The following LRRC7 variants were observed in gnomAD, a reference collection of about 807,000 sequenced individuals.
The protein encoded by LRRC7 is leucine-rich repeat-containing protein 7.
Under a neutral mutation model 175.7 loss-of-function variants are expected in LRRC7, and 23 were observed. That is an observed-to-expected ratio of 0.13 (90% CI 0.09 to 0.19). The LOEUF (loss-of-function observed/expected upper bound fraction) is 0.19, where lower values mean the gene tolerates loss of function less well. Among genes scored for constraint, LRRC7 ranks in the 10% least tolerant of loss-of-function variants. The pLI is 1.00. For missense variants in LRRC7, 1,354 were observed against 1,904.7 expected, an observed-to-expected ratio of 0.71 and a Z score of 5.38; for synonymous variants, 685 against 680.9, an observed-to-expected ratio of 1.01 and a Z score of -0.09.
At chr1:69,871,705 TA>T (rs1307129270) in intron 7 of LRRC7, among the ~76,000 whole-genome samples, 1 of 152,018 alleles carries the variant, frequency 6.6e-6, no homozygotes, top group African/African-American at 2.4e-5. Flanking sequence ...TTTAAATGAC[TA>T]TTTCATATTC....
intron 1 of LRRC7, among the ~76,000 whole-genome samples, chr1:69,569,012 C>A (rs902041016): frequency 2.0e-5 from 3 of 152,136 alleles, no homozygotes; most frequent in Non-Finnish European, 4.4e-5. Context: ...TTGGGTATCT[C>A]CAGTCAGCTT....
chr1:69,623,204 T>C (rs1650920685), intron 1 of LRRC7, among the ~76,000 whole-genome samples: 1 of 152,182 alleles, frequency 6.6e-6, no homozygotes, highest in South Asian at 2.1e-4. Context: ...CACAGGAACA[T>C]GACCTTAGGA....
rs1666259531 is a variant in LRRC7, at chr1:70,122,423, A to G, written c.*536A>G. The G allele has an allele frequency of 6.6e-6, 1 of 152,216 alleles. No individual in the cohort carries two copies. Among genetic ancestry groups the G allele is most frequent in the African/African-American group, 2.4e-5 (1 of 41,456 alleles). 9.4% of individuals were successfully genotyped at this position (152,216 alleles called of 1,614,324 possible). A position where few individuals can be genotyped will look rare whatever the true frequency, so the allele number is the denominator to read the frequency against. On this transcript the variant is annotated 3_prime_UTR_variant, in exon 27 of 27. Coordinates refer to ENST00000651989, the MANE Select transcript of LRRC7 (RefSeq NM_001370785.2). Reference sequence around the variant, plus strand: ...GAGAAAAAATATATCTTAAAATAAGACTTTACTATATTGAATCTTTTTCAA... The same window carrying G: ...GAGAAAAAATATATCTTAAAATAAGGCTTTACTATATTGAATCTTTTTCAA...
In LRRC7 at chr1:70,138,243, A is replaced by C. The variant is rs1666942270; in HGVS notation, c.*16356A>C. ...CTTAATCAAAGGACTCCTGACCTTCAAGTACCAGTTTGGGCATATTACTGG... is the reference window on the plus strand; with the variant it reads ...CTTAATCAAAGGACTCCTGACCTTCCAGTACCAGTTTGGGCATATTACTGG... On this transcript the variant is annotated 3_prime_UTR_variant, in exon 27 of 27. Coordinates refer to ENST00000651989, the MANE Select transcript of LRRC7 (RefSeq NM_001370785.2). The C allele has an allele frequency of 6.6e-6, 1 of 152,184 alleles. No homozygotes were observed. Among genetic ancestry groups the C allele is most frequent in the South Asian group, 2.1e-4 (1 of 4,830 alleles). 9.4% of individuals were successfully genotyped at this position (152,184 alleles called of 1,614,324 possible).
intron 23 of LRRC7, among the ~76,000 whole-genome samples, chr1:70,071,293 G>A (rs76462435): frequency 7.9e-5 from 12 of 152,236 alleles, no homozygotes. Flanking sequence ...CCACCATGCT[G>A]TGACTTGTTC....
At chr1:69,875,899 G>A (rs547752206) in intron 7 of LRRC7, among the ~76,000 whole-genome samples, 7 of 151,798 alleles carry the variant, frequency 4.6e-5, no homozygotes, top group Non-Finnish European at 1.0e-4. Flanking sequence ...CAACAAAAAC[G>A]ACCCCTTAAG....
chr1:69,568,687 C>CCAGCAGCGTG (rs11280966), intron 1 of LRRC7, 46 bp downstream of exon 1: 15 of 1,315,692 alleles, frequency 1.1e-5, no homozygotes, highest in Non-Finnish European at 1.4e-5. Flanking sequence ...CTGCGGGGGC[C>CCAGCAGCGTG]CGGCCGCGGC....
chr1:69,884,403 T>C (rs1015735352), intron 7 of LRRC7, among the ~76,000 whole-genome samples: 2 of 96,440 alleles, frequency 2.1e-5, no homozygotes, highest in Non-Finnish European at 4.4e-5. Context: ...CACTCATGAT[T>C]TGGCTCTCTG....
At chr1:69,675,347 T>C (rs1304741544) in intron 1 of LRRC7, among the ~76,000 whole-genome samples, 1 of 152,088 alleles carries the variant, frequency 6.6e-6, no homozygotes, top group Non-Finnish European at 1.5e-5. Context: ...TGAACCATAA[T>C]TACATGGAAA....
At chr1:69,659,566 ATATCTCAACAGC>A (rs1657147797) in intron 1 of LRRC7, among the ~76,000 whole-genome samples, 1 of 151,936 alleles carries the variant, frequency 6.6e-6, no homozygotes. Flanking sequence ...ATAATAACTG[ATATCTCAACAGC>A]TGCAATGACT....
chr1:69,724,481 T>C (rs1309959312), intron 2 of LRRC7, among the ~76,000 whole-genome samples: 1 of 152,200 alleles, frequency 6.6e-6, no homozygotes, highest in Non-Finnish European at 1.5e-5. Context: ...CAATAAACAT[T>C]GCTTATGATA....
At chr1:70,025,396 CTG>C (rs1657982984) in intron 17 of LRRC7, among the ~76,000 whole-genome samples, 1 of 151,720 alleles carries the variant, frequency 6.6e-6, no homozygotes, top group Non-Finnish European at 1.5e-5. Flanking sequence ...AATTAAATAA[CTG>C]TTGCTATGTA....
At chr1:69,750,038 C>T (rs1044554229) in intron 2 of LRRC7, among the ~76,000 whole-genome samples, 12 of 140,650 alleles carry the variant, frequency 8.5e-5, no homozygotes, top group East Asian at 2.2e-4. Context: ...TCCAGCCTGG[C>T]GACAGAGCAA....
intron 8 of LRRC7, among the ~76,000 whole-genome samples, chr1:69,958,235 T>G (rs1245458624): frequency 6.6e-6 from 1 of 151,992 alleles, no homozygotes; most frequent in Non-Finnish European, 1.5e-5. Context: ...TCCTCTCTAA[T>G]TTGCTATCTG....
intron 5 of LRRC7, among the ~76,000 whole-genome samples, chr1:69,829,592 C>G (rs1009301625): frequency 7.3e-6 from 1 of 137,422 alleles, no homozygotes. Flanking sequence ...TTGTACATAC[C>G]ACTTTTAATA....
chr1:69,753,552 G>C (rs927521304), intron 2 of LRRC7, among the ~76,000 whole-genome samples: 35 of 151,886 alleles, frequency 2.3e-4, no homozygotes, highest in Non-Finnish European at 2.5e-4. Context: ...AATAATATAT[G>C]ATCTATTTCT....
At chr1:69,753,352 C>G (rs920268807) in intron 2 of LRRC7, among the ~76,000 whole-genome samples, 7 of 148,552 alleles carry the variant, frequency 4.7e-5, no homozygotes, top group African/African-American at 1.7e-4. Flanking sequence ...AAATTCATGT[C>G]TGTAGATTCT....
chr1:69,947,118 A>AATAC (rs1649411834), intron 8 of LRRC7, among the ~76,000 whole-genome samples: 2 of 149,992 alleles, frequency 1.3e-5, no homozygotes, highest in Admixed American at 6.7e-5. Flanking sequence ...AAAATAAATA[A>AATAC]ATAAATAAAT....
chr1:69,631,768 C>T (rs947327753), intron 1 of LRRC7, among the ~76,000 whole-genome samples: 1 of 152,112 alleles, frequency 6.6e-6, no homozygotes. Flanking sequence ...AAAGCCCGAT[C>T]TCTACCTTTG....
Sources: gnomAD v4.1 joint callset for allele counts (sites outside exome capture counted in the v4.1 genomes callset) on GRCh38, gnomAD v4.1.1 for gene constraint, MANE v1.5 for transcripts, NCBI Gene and HGNC (gene_info 2026-07-23, HGNC 2026-07-21) for gene names.